The following DYSF variants were observed in gnomAD, a reference collection of about 807,000 sequenced individuals.
DYSF encodes the protein dysferlin, also known as dystrophy-associated fer-1-like 1.
DYSF carries 212 observed loss-of-function variants against 274.9 expected under a neutral mutation model. The observed-to-expected ratio is 0.77, with a 90% confidence interval of 0.69 to 0.86. DYSF has a LOEUF of 0.86. Among genes scored for constraint, DYSF ranks in the 40% least tolerant of loss-of-function variants. The pLI is 0.00. For synonymous variants in DYSF, 1,091 were observed against 1,078.7 expected, an observed-to-expected ratio of 1.01 and a Z score of -0.22; for missense variants, 2,666 against 2,783.2, an observed-to-expected ratio of 0.96 and a Z score of 0.95.
chr2:71,551,822 T>C (rs909782229), intron 19 of DYSF, 102 bp downstream of exon 19: 2 of 940,144 alleles, frequency 2.1e-6, no homozygotes, highest in Non-Finnish European at 3.3e-6. Flanking sequence ...AGGAGGAAGC[T>C]CTGCCCACAC....
At chr2:71,499,337 GT>G (rs1055133952) in intron 3 of DYSF, among the ~76,000 whole-genome samples, 224 of 152,330 alleles carry the variant, frequency 1.5e-3, no homozygotes, top group African/African-American at 5.1e-3. Flanking sequence ...GCTGTCTAGT[GT>G]TCCATTGTAT....
upstream of DYSF, among the ~76,000 whole-genome samples, chr2:71,464,824 T>C (rs2152637924): frequency 6.6e-6 from 1 of 152,304 alleles, no homozygotes. Context: ...TGGGAGTCCA[T>C]GGAGTCGATT....
chr2:71,603,433 C>CA (rs1319309448), intron 36 of DYSF, among the ~76,000 whole-genome samples: 1 of 152,062 alleles, frequency 6.6e-6, no homozygotes, highest in Non-Finnish European at 1.5e-5. Context: ...GGGTGGGTGG[C>CA]AGAGACCTGG....
chr2:71,503,953 G>A (rs1006940783), intron 4 of DYSF, among the ~76,000 whole-genome samples: 4 of 152,160 alleles, frequency 2.6e-5, no homozygotes, highest in Non-Finnish European at 5.9e-5. Context: ...GGTTAGCCCC[G>A]CCTTCCAGGA....
Position 71,637,337 on chromosome 2 carries a change from C to T in DYSF, c.4528-6628C>T, listed in dbSNP as rs930787311. On this transcript the variant is annotated intron_variant, in intron 41 of 55. Transcript: ENST00000410020. The stretch of plus-strand genomic sequence containing the variant: ...GGTTGGCCTTGGGCTGGGGTGCAAG[C>T]CGAGCACCCACAGGAGCAGAAGGGA... 3.6e-4 allele frequency among the ~76,000 whole-genome samples: 54 copies of T among 152,104 alleles called. 1 individual carries two copies. The highest frequency in any genetic ancestry group is 4.4e-5 in the Non-Finnish European group (3 of 68,026).
At chr2:71,502,656 A>G (rs12713752) in intron 3 of DYSF, among the ~76,000 whole-genome samples, 96,397 of 152,078 alleles carry the variant, frequency 0.63, 31,582 homozygotes, top group Non-Finnish European at 0.7. Flanking sequence ...TGCGTGTGGT[A>G]TGGACCGCCC....
intron 30 of DYSF, among the ~76,000 whole-genome samples, chr2:71,585,020 G>A (rs554404655): frequency 3.4e-4 from 52 of 152,312 alleles, no homozygotes; most frequent in African/African-American, 1.2e-3. Flanking sequence ...GGACCGTGGG[G>A]TATCATTTCA....
rs752451460 is a variant in DYSF at position 71,682,657 on chromosome 2, A to G, written c.6301A>G (p.Ile2101Val). 3 of 1,614,038 alleles carry G rather than the reference A, an allele frequency of 1.9e-6. No homozygotes were observed. The highest frequency in any genetic ancestry group is 2.5e-6 in the Non-Finnish European group (3 of 1,179,986). The change falls in exon 55 of 56, where the codon ATC becomes GTC. Residue 2101 changes from isoleucine to valine, a missense_variant. This residue lies in a region of DYSF where 1,460 missense variants were observed against 1,502.1 expected (regional missense o/e 0.97). Transcript: ENST00000410020. ...CTTCATCCTGCTGCTGTTCCTGGCC[A>G]TCTTCATCTACGCCTTCCCGGTGAG... ...ILFILLLFLA[I>V]FIYAFPNYAA...
At chr2:71,660,164 G>T (rs2094851974) in intron 44 of DYSF, among the ~76,000 whole-genome samples, 1 of 152,232 alleles carries the variant, frequency 6.6e-6, no homozygotes, top group Non-Finnish European at 1.5e-5. Context: ...ACCTCCCTGG[G>T]CTAGCCTAGG....
At chr2:71,542,377 CTT>C (rs35710396) in intron 17 of DYSF, among the ~76,000 whole-genome samples, 88,576 of 142,074 alleles carry the variant, frequency 0.62, 27,506 homozygotes, top group Middle Eastern at 0.73. Flanking sequence ...GTCAAGCCTT[CTT>C]TTTTTTTTTT....
chr2:71,569,970 CA>C, intron 27 of DYSF, 36 bp downstream of exon 27: 1 of 1,589,416 alleles, frequency 6.3e-7, no homozygotes, highest in Non-Finnish European at 8.6e-7. Flanking sequence ...GGGGTCTAGA[CA>C]TTTGGTCTCT....
chr2:71,543,848 C>T (rs1424308949), intron 17 of DYSF, among the ~76,000 whole-genome samples: 1 of 146,462 alleles, frequency 6.8e-6, no homozygotes, highest in East Asian at 2.0e-4. Flanking sequence ...AGAGGGAGAC[C>T]GTGGAAAGAG....
chr2:71,679,354 C>T (rs2095267072), intron 53 of DYSF, 119 bp downstream of exon 53: 2 of 995,398 alleles, frequency 2.0e-6, no homozygotes, highest in Non-Finnish European at 3.0e-6. Context: ...TTCTCCCCCT[C>T]TCCTGCCCCC....
At chr2:71,509,065 A>C (rs1352109993) in intron 4 of DYSF, among the ~76,000 whole-genome samples, 1 of 152,116 alleles carries the variant, frequency 6.6e-6, no homozygotes, top group Non-Finnish European at 1.5e-5. Flanking sequence ...CATGTTGGCC[A>C]GGCTGGTCTT....
At chr2:71,675,066 T>G in intron 52 of DYSF, among the ~76,000 whole-genome samples, 1 of 152,130 alleles carries the variant, frequency 6.6e-6, no homozygotes, top group African/African-American at 2.4e-5. Context: ...GGTCAAATAT[T>G]ATATGGCTTC....
chr2:71,491,572 C>T (rs1573482073), intron 3 of DYSF, among the ~76,000 whole-genome samples: 1 of 152,220 alleles, frequency 6.6e-6, no homozygotes, highest in Admixed American at 6.5e-5. Context: ...CTCCCACCCT[C>T]CACCCTCTGA....
chr2:71,655,577 A>G (rs539900062), intron 42 of DYSF, among the ~76,000 whole-genome samples: 1 of 152,376 alleles, frequency 6.6e-6, no homozygotes, highest in South Asian at 2.1e-4. Flanking sequence ...TTGAGAAGAG[A>G]CAAGTAAATG....
At chr2:71,479,618 C>T (rs555662885) in intron 1 of DYSF, among the ~76,000 whole-genome samples, 1 of 152,202 alleles carries the variant, frequency 6.6e-6, no homozygotes, top group Admixed American at 6.5e-5. Flanking sequence ...TCTCCTTGTG[C>T]GTCTCCTTTG....
chr2:71,618,433 G>GT (rs1558640189), intron 40 of DYSF, among the ~76,000 whole-genome samples: 18 of 92,410 alleles, frequency 1.9e-4, no homozygotes, highest in East Asian at 3.5e-4. Flanking sequence ...GGTAGAGGTG[G>GT]GGTGTGTGTG....
Sources: gnomAD v4.1 joint callset for allele counts (sites outside exome capture counted in the v4.1 genomes callset) on GRCh38, gnomAD v4.1.1 for gene constraint, gnomAD v4.1.1 regional missense constraint, MANE v1.5 for transcripts, NCBI Gene and HGNC (gene_info 2026-07-23, HGNC 2026-07-21) for gene names.